The following FBH1 variants were observed in gnomAD, a reference collection of about 807,000 sequenced individuals.
FBH1 encodes the protein F-box DNA helicase 1.
Under a neutral mutation model 115.5 loss-of-function variants are expected in FBH1, and 43 were observed. That is an observed-to-expected ratio of 0.37 (90% CI 0.29 to 0.48). The LOEUF is 0.48. FBH1 is among the 20% of genes least tolerant of loss of function. The pLI is 0.99. For missense variants in FBH1, 1,001 were observed against 1,337.3 expected (o/e 0.75, Z 3.92); for synonymous variants, 524 against 507.8 (o/e 1.03, Z -0.43).
chr10:5,892,987 T>G (rs1842819267), intron 1 of FBH1, among the ~76,000 whole-genome samples: 2 of 152,190 alleles, frequency 1.3e-5, no homozygotes, highest in South Asian at 4.1e-4. Flanking sequence ...AAGTGTAAAT[T>G]TGATTGTGTA....
At chr10:5,902,883 G>T in intron 1 of FBH1, 137 bp from the exon 2 acceptor site, 1 of 659,520 alleles carries the variant, frequency 1.5e-6, no homozygotes, top group Non-Finnish European at 2.3e-6. Context: ...GGGGCAAGGG[G>T]AGGGGGGAAC....
At chr10:5,926,877 A>T (rs754029585) in intron 18 of FBH1, among the ~76,000 whole-genome samples, 1 of 152,066 alleles carries the variant, frequency 6.6e-6, no homozygotes, top group Non-Finnish European at 1.5e-5. Context: ...GAGATGGGAG[A>T]TGAGAGGTGC....
intron 19 of FBH1, among the ~76,000 whole-genome samples, chr10:5,928,946 C>T (rs1043282057): frequency 2.6e-5 from 4 of 152,166 alleles, no homozygotes; most frequent in African/African-American, 9.7e-5. Context: ...TGCCTACTCT[C>T]GTGGGGTGAG....
chr10:5,923,717 G>A lies in FBH1; in HGVS notation c.2398+21G>A, dbSNP rs762139155. 1 of 1,607,704 alleles carries A rather than the reference G, an allele frequency of 6.2e-7. No homozygotes were observed. The highest frequency in any genetic ancestry group is 1.3e-5 in the African/African-American group (1 of 74,710). Reference sequence around the variant, plus strand: ...GAAACGTGAGTACCCACCTGGCCTTGGTGCATTGGAAGGACGCACCCAAGT... The same window carrying A: ...GAAACGTGAGTACCCACCTGGCCTTAGTGCATTGGAAGGACGCACCCAAGT... On this transcript the variant is annotated intron_variant, in intron 16 of 20. Coordinates refer to ENST00000362091, the MANE Select transcript of FBH1 (RefSeq NM_178150.3). The surrounding 1 kb of genome is among the most constrained non-coding windows in gnomAD (Gnocchi z 5.7).
At position 5,913,766 on chromosome 10, in the gene FBH1, T is replaced by A; in HGVS notation, c.1231T>A (p.Tyr411Asn). 1 of 1,569,588 alleles carries A rather than the reference T, an allele frequency of 6.4e-7. No individual in the cohort carries two copies. Among genetic ancestry groups the A allele is most frequent in the East Asian group, 2.3e-5 (1 of 43,200 alleles). ...TGGTAGGATTCACTACAACATTTTCTATTGCCTATATCTTCAGGAGAATTC... is the reference window on the plus strand; with the variant it reads ...TGGTAGGATTCACTACAACATTTTCAATTGCCTATATCTTCAGGAGAATTC... ...ISNRIHYNIF[Y>N]CLYLQENSCT... Residue 411 changes from tyrosine to asparagine, a missense_variant, in exon 7 of 21, where the codon TAT becomes AAT. Physicochemically the swap from Tyr to Asn is moderately radical, Grantham distance 143 (BLOSUM62 -2). Transcript: ENST00000362091. This position sits in a 1 kb window ranked among gnomAD's most constrained non-coding sequence, Gnocchi z 4.4.
At chr10:5,902,659 A>G (rs1843421610) in intron 1 of FBH1, among the ~76,000 whole-genome samples, 1 of 152,064 alleles carries the variant, frequency 6.6e-6, no homozygotes, top group African/African-American at 2.4e-5. Context: ...TAGACTTACT[A>G]AAAATGTCTT....
At chr10:5,894,981 G>A in intron 1 of FBH1, 2 of 1,545,162 alleles carry the variant, frequency 1.3e-6, no homozygotes, top group East Asian at 4.6e-5. Context: ...CCTGGCTTGA[G>A]TGAATACTTT....
At chr10:5,892,062 C>G in intron 1 of FBH1, among the ~76,000 whole-genome samples, 1 of 63,874 alleles carries the variant, frequency 1.6e-5, no homozygotes, top group Middle Eastern at 5.4e-3. Flanking sequence ...TCCCGCAGCT[C>G]CTGTGATTTT....
chr10:5,921,545 C>G lies in FBH1; in HGVS notation c.2298C>G (p.Phe766Leu). 1 of 1,594,622 alleles carries G rather than the reference C, an allele frequency of 6.3e-7. No individual in the cohort carries two copies. Among genetic ancestry groups the G allele is most frequent in the Non-Finnish European group, 8.5e-7 (1 of 1,175,514 alleles). The part of the protein sequence containing the change: ...DEAVRVTEGE[F>L]PSRIHLIGGI... ...CCGTACGGGTGACGGAAGGGGAATT[C>G]CCTTCAAGGATACATTTGATTGGGG... is the stretch of plus-strand genomic sequence containing the variant. Residue 766 changes from phenylalanine to leucine, a missense_variant, in exon 15 of 21, where the codon TTC becomes TTG. Phe to Leu is a conservative substitution (Grantham distance 22). Coordinates refer to ENST00000362091, the MANE Select transcript of FBH1 (RefSeq NM_178150.3). The surrounding 1 kb of genome is among the most constrained non-coding windows in gnomAD (Gnocchi z 6.4).
In FBH1 at chr10:5,911,133, T is replaced by C. The variant is rs1184350942; in HGVS notation, c.1211+5T>C. ...GGGGATTAACATCAGCAATAGGTAA[T>C]GCCCCGGGAGGAGGGGAGGGGATGC... On this transcript the variant is annotated splice_donor_5th_base_variant and intron_variant, in intron 6 of 20. Coordinates refer to ENST00000362091, the MANE Select transcript of FBH1 (RefSeq NM_178150.3). The surrounding 1 kb of genome is among the most constrained non-coding windows in gnomAD (Gnocchi z 5.4). 1 of 1,607,590 alleles carries C rather than the reference T, an allele frequency of 6.2e-7. No individual in the cohort carries two copies. Among genetic ancestry groups the C allele is most frequent in the African/African-American group, 1.3e-5 (1 of 74,750 alleles).
Position 5,932,547 on chromosome 10 carries a change from G to A in FBH1, c.2830-3909G>A, listed in dbSNP as rs554990695. ...GTGTTGACGCACTGTGATTTATGCCGTTCTCGCTCATGGACGTGGTCACTT... is the reference window on the plus strand; with the variant it reads ...GTGTTGACGCACTGTGATTTATGCCATTCTCGCTCATGGACGTGGTCACTT... On this transcript the variant is annotated intron_variant, in intron 19 of 20. Transcript: ENST00000362091. The surrounding 1 kb of genome is among the most constrained non-coding windows in gnomAD (Gnocchi z 5.9). 2.3e-4 allele frequency among the ~76,000 whole-genome samples: 35 copies of A among 152,278 alleles called. No individual in the cohort carries two copies. The East Asian group carries it at 3.1e-3, about 13-fold the overall frequency.
Position 5,897,210 on chromosome 10 carries a change from T to C in FBH1, c.2-5810T>C, listed in dbSNP as rs925112359. ...GGTGGCTTGAGTACTTACATATATA[T>C]TGTCTCATTCTCTGAATTCAGCATG... On this transcript the variant is annotated intron_variant, in intron 1 of 20. Transcript: ENST00000362091. This position sits in a 1 kb window ranked among gnomAD's most constrained non-coding sequence, Gnocchi z 4.7. Among the ~76,000 whole-genome samples the C allele has an allele frequency of 4.6e-5, 7 of 152,236 alleles. No individual in the cohort carries two copies. The highest frequency in any genetic ancestry group is 1.5e-5 in the Non-Finnish European group (1 of 68,046).
rs1832610314 is a variant in FBH1 at position 5,925,758 on chromosome 10, A to G, written c.2722+266A>G. 6.6e-6 allele frequency among the ~76,000 whole-genome samples: 1 copy of G among 152,210 alleles called. No homozygotes were observed. Among genetic ancestry groups the G allele is most frequent in the Non-Finnish European group, 1.5e-5 (1 of 68,030 alleles). ...TTTGTGGCGGCCCTGTGAGCCCTGC[A>G]CTGCCCTCAGCTCCAGGTTCTTCGC... On this transcript the variant is annotated intron_variant, in intron 18 of 20. Transcript: ENST00000362091. This position sits in a 1 kb window ranked among gnomAD's most constrained non-coding sequence, Gnocchi z 4.6.
In FBH1 at chr10:5,917,335, C is replaced by A; in HGVS notation, c.1789-85C>A. ...CTGTGAGGATGCCCTGGCTCCACTG[C>A]TGTATGGGAGTTGACAGTGTGACCG... On this transcript the variant is annotated intron_variant, in intron 10 of 20. Transcript: ENST00000362091. This position sits in a 1 kb window ranked among gnomAD's most constrained non-coding sequence, Gnocchi z 5.6. The A allele has an allele frequency of 1.8e-6, 2 of 1,117,140 alleles. No homozygotes were observed. The highest frequency in any genetic ancestry group is 2.7e-6 in the Non-Finnish European group (2 of 743,722). The allele number at this position is 1,117,140 out of a possible 1,614,324, so 69.2% of individuals were successfully genotyped here.
chr10:5,891,047 C>T (rs774900862), intron 1 of FBH1: 88 of 501,610 alleles, frequency 1.8e-4, no homozygotes, highest in Non-Finnish European at 2.2e-4. Context: ...CCCTATGAGG[C>T]ATCAGTAGGG....
chr10:5,934,440 C>T (rs1833195983), intron 19 of FBH1: 1 of 144,022 alleles, frequency 6.9e-6, no homozygotes, highest in Non-Finnish European at 1.5e-5. Flanking sequence ...GTGGTGCCAT[C>T]TTGCTCGGCT....
Position 5,921,627 on chromosome 10 carries a change from C to A in FBH1, c.2322+58C>A. The A allele has an allele frequency of 6.4e-7, 1 of 1,567,588 alleles. No homozygotes were observed. The highest frequency in any genetic ancestry group is 1.4e-5 in the African/African-American group (1 of 71,826). ...ACAGAAACGTTGTAGACGAACATAC[C>A]CAATGGAAATGTTCACCTTCCTTGG... is the stretch of plus-strand genomic sequence containing the variant. On this transcript the variant is annotated intron_variant, in intron 15 of 20. Coordinates refer to ENST00000362091, the MANE Select transcript of FBH1 (RefSeq NM_178150.3). The surrounding 1 kb of genome is among the most constrained non-coding windows in gnomAD (Gnocchi z 6.4).
At position 5,914,978 on chromosome 10, in the gene FBH1, G is replaced by T. The variant is rs1831835401; in HGVS notation, c.1397-425G>T. Among the ~76,000 whole-genome samples, 1 of 152,148 alleles carries T rather than the reference G, an allele frequency of 6.6e-6. No individual in the cohort carries two copies. Among genetic ancestry groups the T allele is most frequent in the Non-Finnish European group, 1.5e-5 (1 of 68,018 alleles). Reference sequence around the variant, plus strand: ...TGAAGCACAGAGAGCCTTGCCCGGGGTTGAATAAGTGGATAGGTGGTGGAG... The same window carrying T: ...TGAAGCACAGAGAGCCTTGCCCGGGTTTGAATAAGTGGATAGGTGGTGGAG... On this transcript the variant is annotated intron_variant, in intron 8 of 20. Transcript: ENST00000362091. The surrounding 1 kb of genome is among the most constrained non-coding windows in gnomAD (Gnocchi z 5.2).
Position 5,906,672 on chromosome 10 carries a change from G to A in FBH1, c.753+40G>A, listed in dbSNP as rs753339000. The A allele has an allele frequency of 1.3e-6, 2 of 1,521,762 alleles. No homozygotes were observed. Among genetic ancestry groups the A allele is most frequent in the Admixed American group, 1.8e-5 (1 of 54,858 alleles). 94.3% of individuals were successfully genotyped at this position (1,521,762 alleles called of 1,614,324 possible). A position where few individuals can be genotyped will look rare whatever the true frequency, so the allele number is the denominator to read the frequency against. On this transcript the variant is annotated intron_variant, in intron 3 of 20. Transcript: ENST00000362091. This position sits in a 1 kb window ranked among gnomAD's most constrained non-coding sequence, Gnocchi z 7.3. ...GAGTCGGGAGATGTTTCCTCTAAAA[G>A]CACGTAACTTTGCTTAATGCACGCT...
Sources: gnomAD v4.1 joint callset for allele counts (sites outside exome capture counted in the v4.1 genomes callset) on GRCh38, gnomAD v4.1.1 for gene constraint, Gnocchi (gnomAD v3.1) non-coding constraint, MANE v1.5 for transcripts, NCBI Gene and HGNC (gene_info 2026-07-23, HGNC 2026-07-21) for gene names.